Variants in KLB observed in about 807,000 individuals in gnomAD.
KLB encodes the protein beta-klotho.
KLB carries 44 observed loss-of-function variants against 88.4 expected under a neutral mutation model. The observed-to-expected ratio is 0.50, with a 90% CI of 0.39 to 0.64. The LOEUF is 0.64. KLB is among the 30% of genes least tolerant of loss of function. The pLI, the probability that KLB is intolerant of heterozygous loss-of-function variation, is 0.00. For missense variants in KLB, 1,137 were observed against 1,304.8 expected (o/e 0.87, Z 1.98); for synonymous variants, 548 against 513.4 (o/e 1.07, Z -0.91).
At chr4:39,425,615 A>AT (rs931912606) in intron 1 of KLB, among the ~76,000 whole-genome samples, 8 of 151,868 alleles carry the variant, frequency 5.3e-5, no homozygotes, top group Non-Finnish European at 1.2e-4. Context: ...TAATTTTTGT[A>AT]TTTTTTGTAG....
chr4:39,434,779 G>A (rs1350551546), intron 2 of KLB, 59 bp downstream of exon 2: 10 of 1,314,914 alleles, frequency 7.6e-6, no homozygotes, highest in Non-Finnish European at 1.1e-5. Context: ...GATATTTAAA[G>A]TCACCTTTGA....
chr4:39,436,902 G>T (rs531305658), intron 2 of KLB, among the ~76,000 whole-genome samples: 75 of 152,164 alleles, frequency 4.9e-4, no homozygotes, highest in African/African-American at 1.7e-3. Context: ...TAGAGACAAG[G>T]CTTCACTATG....
chr4:39,426,773 G>T (rs1269488871), intron 1 of KLB, among the ~76,000 whole-genome samples: 1 of 151,536 alleles, frequency 6.6e-6, no homozygotes, highest in Non-Finnish European at 1.5e-5. Flanking sequence ...TTGCAGCCTT[G>T]ACCTCCTGTG....
intron 1 of KLB, among the ~76,000 whole-genome samples, chr4:39,411,178 C>A (rs889209799): frequency 2.0e-5 from 3 of 151,080 alleles, no homozygotes; most frequent in Admixed American, 1.3e-4. Flanking sequence ...CCTCCCGAGT[C>A]GCTGGGATTA....
At chr4:39,432,702 A>G (rs577126979) in intron 1 of KLB, among the ~76,000 whole-genome samples, 1 of 152,256 alleles carries the variant, frequency 6.6e-6, no homozygotes, top group African/African-American at 2.4e-5. Flanking sequence ...CTATCATATT[A>G]AATGGACCAG....
At position 39,434,282 on chromosome 4, in the gene KLB, T is replaced by G; in HGVS notation, c.898T>G (p.Leu300Val). 1 of 1,614,124 alleles carries G rather than the reference T, an allele frequency of 6.2e-7. No individual in the cohort carries two copies. Among genetic ancestry groups the G allele is most frequent in the Non-Finnish European group, 8.5e-7 (1 of 1,179,956 alleles). Residue 300 changes from leucine to valine, a missense_variant, in exon 2 of 5, where the codon TTG becomes GTG. Physicochemically the swap from Leu to Val is conservative, Grantham distance 32. Transcript: ENST00000257408. ...TCAGAAGGGTTGGTTATCGATCACG[T>G]TGGGATCTCATTGGATCGAGCCAAA... ...PHQKGWLSIT[L>V]GSHWIEPNRS...
intron 3 of KLB, among the ~76,000 whole-genome samples, chr4:39,444,388 A>G (rs943154828): frequency 6.6e-6 from 1 of 151,982 alleles, no homozygotes; most frequent in Non-Finnish European, 1.5e-5. Flanking sequence ...TCTTTTCCAC[A>G]TTTCCCTTTC....
chr4:39,425,031 T>C (rs1743174926), intron 1 of KLB, among the ~76,000 whole-genome samples: 1 of 152,210 alleles, frequency 6.6e-6, no homozygotes, highest in South Asian at 2.1e-4. Context: ...CCATGAGATA[T>C]AGTCCTTTTG....
chr4:39,426,408 C>T lies in KLB; in HGVS notation c.826-7802C>T, dbSNP rs185081007. ...CCAGCTGGGTGACAGAGCAAGACTC[C>T]TATCTAAAAAAAAAAAAAAAAAAAA... On this transcript the variant is annotated intron_variant, in intron 1 of 4. Transcript: ENST00000257408. Among the ~76,000 whole-genome samples the T allele has an allele frequency of 5.8e-3, 492 of 84,836 alleles. 3 individuals are homozygous for T. The highest frequency in any genetic ancestry group is 7.2e-3 in the Non-Finnish European group (335 of 46,602). 55.7% of individuals were successfully genotyped at this position (84,836 alleles called of 152,430 possible).
rs953856138 is a variant in KLB at position 39,451,286 on chromosome 4, G to C, written c.*2600G>C. 4 of 152,152 alleles carry C rather than the reference G, an allele frequency of 2.6e-5. No individual in the cohort carries two copies. Among genetic ancestry groups the C allele is most frequent in the African/African-American group, 9.7e-5 (4 of 41,430 alleles). The allele number at this position is 152,152 out of a possible 1,614,324, so 9.4% of individuals were successfully genotyped here. ...ATAAACTCCTTAAAAACCATCAAAGGTCAACCAGAAACTGATAACTCTTGA... is the reference window on the plus strand; with the variant it reads ...ATAAACTCCTTAAAAACCATCAAAGCTCAACCAGAAACTGATAACTCTTGA... On this transcript the variant is annotated 3_prime_UTR_variant, in exon 5 of 5. Coordinates refer to ENST00000257408, the MANE Select transcript of KLB (RefSeq NM_175737.4).
At chr4:39,440,400 T>C (rs1560652151) in intron 3 of KLB, among the ~76,000 whole-genome samples, 2 of 136,808 alleles carry the variant, frequency 1.5e-5, no homozygotes, top group Non-Finnish European at 3.2e-5. Flanking sequence ...CCTGCCTCAG[T>C]CTCCCAAAGT....
chr4:39,429,076 T>A (rs1480660223), intron 1 of KLB, among the ~76,000 whole-genome samples: 3 of 152,216 alleles, frequency 2.0e-5, no homozygotes, highest in Admixed American at 2.0e-4. Flanking sequence ...ATAAACCTAT[T>A]TTGTTATGCT....
intron 1 of KLB, among the ~76,000 whole-genome samples, chr4:39,416,766 G>T (rs987231428): frequency 1.2e-4 from 19 of 152,046 alleles, no homozygotes; most frequent in Non-Finnish European, 2.6e-4. Context: ...TGGGTGACAG[G>T]GTGAGACCCT....
Position 39,446,231 on chromosome 4 carries a change from G to A in KLB, c.1606-101G>A. ...CAAGGGCTGGAATAGGCCTGGCGTG[G>A]TGGCCTGTAATCCCAGCACTTTGGG... On this transcript the variant is annotated intron_variant, in intron 3 of 4. Coordinates refer to ENST00000257408, the MANE Select transcript of KLB (RefSeq NM_175737.4). The surrounding 1 kb of genome is among the most constrained non-coding windows in gnomAD (Gnocchi z 6.4). 1 of 1,054,838 alleles carries A rather than the reference G, an allele frequency of 9.5e-7. No individual in the cohort carries two copies. Among genetic ancestry groups the A allele is most frequent in the East Asian group, 2.5e-5 (1 of 40,020 alleles). The allele number at this position is 1,054,838 out of a possible 1,614,324, so 65.3% of individuals were successfully genotyped here.
At position 39,446,803 on chromosome 4, in the gene KLB, G is replaced by C; in HGVS notation, c.2077G>C (p.Glu693Gln). ...DLVKLWITIN[E>Q]PNRLSDIYNR... The stretch of plus-strand genomic sequence containing the variant: ...GGTGAAGCTCTGGATCACCATCAAC[G>C]AGCCTAACCGGCTAAGTGACATCTA... The change falls in exon 4 of 5, where the codon GAG becomes CAG. Residue 693 changes from glutamate to glutamine, a missense_variant. Around this residue, in one of 4 missense-constraint regions of KLB, gnomAD observed 597 missense variants for 765.2 expected, o/e 0.78. Coordinates refer to ENST00000257408, the MANE Select transcript of KLB (RefSeq NM_175737.4). This position sits in a 1 kb window ranked among gnomAD's most constrained non-coding sequence, Gnocchi z 6.4. 2 of 1,612,732 alleles carry C rather than the reference G, an allele frequency of 1.2e-6. No homozygotes were observed. Among genetic ancestry groups the C allele is most frequent in the Non-Finnish European group, 1.7e-6 (2 of 1,179,682 alleles).
chr4:39,442,717 A>G (rs6835490), intron 3 of KLB, among the ~76,000 whole-genome samples: 87,574 of 151,964 alleles, frequency 0.58, 25,530 homozygotes, highest in Non-Finnish European at 0.61. Flanking sequence ...ACAGGCGTGA[A>G]CCACTGCACC....
chr4:39,434,534 A>T lies in KLB; in HGVS notation c.1150A>T (p.Thr384Ser), dbSNP rs752547260. Residue 384 changes from threonine to serine, a missense_variant, in exon 2 of 5, where the codon ACC becomes TCC. Transcript: ENST00000257408. ...ACCCAACAACTTCAAGCCCCTAAACACCATGGCTAAAATGGGACAAAATGT... is the reference window on the plus strand; with the variant it reads ...ACCCAACAACTTCAAGCCCCTAAACTCCATGGCTAAAATGGGACAAAATGT... ...FGPNNFKPLNTMAKMGQNVSL... is the reference protein window; with the variant it reads ...FGPNNFKPLNSMAKMGQNVSL... 4 of 1,614,188 alleles carry T rather than the reference A, an allele frequency of 2.5e-6. No individual in the cohort carries two copies. The highest frequency in any genetic ancestry group is 3.4e-6 in the Non-Finnish European group (4 of 1,180,020).
intron 1 of KLB, among the ~76,000 whole-genome samples, chr4:39,421,419 C>T (rs1743080274): frequency 1.3e-5 from 2 of 152,082 alleles, no homozygotes; most frequent in Non-Finnish European, 2.9e-5. Context: ...TTCTGAGGGG[C>T]ACCCCAGGTG....
chr4:39,442,129 A>G (rs1012037445), intron 3 of KLB, among the ~76,000 whole-genome samples: 1 of 151,846 alleles, frequency 6.6e-6, no homozygotes, highest in Admixed American at 6.6e-5. Context: ...CTATAATTCC[A>G]TCTACTCAGG....
Sources: allele counts gnomAD v4.1 joint callset (sites outside exome capture counted in the v4.1 genomes callset), GRCh38; gene constraint gnomAD v4.1.1; regional missense constraint gnomAD v4.1.1; non-coding constraint Gnocchi (gnomAD v3.1); transcripts MANE v1.5; gene names NCBI Gene and HGNC (gene_info 2026-07-23, HGNC 2026-07-21).